Variants in ZNF385D observed in about 807,000 individuals in gnomAD.
The protein encoded by ZNF385D is zinc finger protein 659.
A neutral mutation model predicts 35.8 loss-of-function variants in ZNF385D; 15 were observed. The observed-to-expected ratio is 0.42, with a 90% CI of 0.28 to 0.64. The LOEUF (loss-of-function observed/expected upper bound fraction) is 0.64. Ranked by LOEUF, ZNF385D falls within the 30% of genes least tolerant of loss-of-function variation. The pLI, the probability that ZNF385D is intolerant of heterozygous loss-of-function variation, is 0.23. For synonymous variants in ZNF385D, 212 were observed against 186.8 expected, an observed-to-expected ratio of 1.13 and a Z score of -1.10; for missense variants, 474 against 494.6, an observed-to-expected ratio of 0.96 and a Z score of 0.39.
chr3:21,687,480 C>T lies in ZNF385D; in HGVS notation c.23-22452G>A, dbSNP rs866688949. Reference sequence around the variant, plus strand: ...GGAAAGCACAGCAATTTCCCATATACCCTCGGCCGCTACACATGTATAGCT... The same window carrying T: ...GGAAAGCACAGCAATTTCCCATATATCCTCGGCCGCTACACATGTATAGCT... On this transcript the variant is annotated intron_variant, in intron 1 of 7. Transcript: ENST00000281523. Among the ~76,000 whole-genome samples, 6 of 152,074 alleles carry T rather than the reference C, an allele frequency of 3.9e-5. No individual in the cohort carries two copies. The South Asian group carries it at 1.2e-3, about 32-fold the overall frequency.
chr3:22,211,062 A>G (rs915043971), intron 2 of ZNF385D, among the ~76,000 whole-genome samples: 4 of 151,940 alleles, frequency 2.6e-5, no homozygotes, highest in African/African-American at 9.7e-5. Flanking sequence ...TAAATTCTCC[A>G]AAACTCTTTT....
intron 1 of ZNF385D, among the ~76,000 whole-genome samples, chr3:21,739,064 C>G (rs190248835): frequency 6.6e-6 from 1 of 152,190 alleles, no homozygotes; most frequent in Non-Finnish European, 1.5e-5. Flanking sequence ...CTCTCAGAAG[C>G]GTATGGCATT....
intron 2 of ZNF385D, among the ~76,000 whole-genome samples, chr3:22,210,558 T>C (rs775666054): frequency 4.6e-5 from 7 of 151,932 alleles, no homozygotes; most frequent in Admixed American, 1.3e-4. Context: ...ATATAGTTCT[T>C]GATCTGAAAG....
At chr3:22,304,979 G>T (rs562539061) in intron 2 of ZNF385D, among the ~76,000 whole-genome samples, 1 of 152,038 alleles carries the variant, frequency 6.6e-6, no homozygotes, top group South Asian at 2.1e-4. Flanking sequence ...TTTTTCTACA[G>T]TGTCAATTTT....
chr3:21,990,598 T>C (rs959069461), intron 3 of ZNF385D, among the ~76,000 whole-genome samples: 3 of 152,226 alleles, frequency 2.0e-5, no homozygotes, highest in Admixed American at 6.5e-5. Flanking sequence ...GTATGTGCTA[T>C]AAATTATAAC....
At chr3:22,099,023 A>G (rs928043088) in intron 3 of ZNF385D, among the ~76,000 whole-genome samples, 2 of 152,076 alleles carry the variant, frequency 1.3e-5, no homozygotes, top group African/African-American at 4.8e-5. Context: ...TATCATAGGG[A>G]TTTCTGTAAT....
chr3:22,062,871 G>A (rs1228910300), intron 3 of ZNF385D, among the ~76,000 whole-genome samples: 1 of 152,176 alleles, frequency 6.6e-6, no homozygotes, highest in Non-Finnish European at 1.5e-5. Flanking sequence ...ACAGCCATAT[G>A]AGTGAGTCTT....
At chr3:21,664,305 A>G (rs2066334888) in intron 2 of ZNF385D, among the ~76,000 whole-genome samples, 1 of 152,154 alleles carries the variant, frequency 6.6e-6, no homozygotes, top group African/African-American at 2.4e-5. Flanking sequence ...CTGAGAGGCT[A>G]TTGACAAAGC....
chr3:21,803,353 C>A (rs535405967), intron 3 of ZNF385D, among the ~76,000 whole-genome samples: 2 of 152,232 alleles, frequency 1.3e-5, no homozygotes, highest in South Asian at 4.1e-4. Context: ...CATTTTCTTT[C>A]CAGATTTGTA....
In ZNF385D at chr3:21,881,156, G is replaced by A. The variant is rs901368545; in HGVS notation, c.326-216128C>T. Among the ~76,000 whole-genome samples the A allele has an allele frequency of 7.9e-5, 12 of 151,700 alleles. No homozygotes were observed. The East Asian group carries it at 1.2e-3, about 15-fold the overall frequency. On this transcript the variant is annotated intron_variant, in intron 3 of 5. Coordinates refer to the ZNF385D transcript ENST00000494108. ...TTAGCTAAGGTCATTGATGAAGGAA[G>A]CTACAGTACACAACAGATTCTCAGT...
intron 3 of ZNF385D, among the ~76,000 whole-genome samples, chr3:22,022,217 A>G (rs1576168914): frequency 6.6e-6 from 1 of 152,176 alleles, no homozygotes; most frequent in Non-Finnish European, 1.5e-5. Flanking sequence ...TACAAAGTAT[A>G]TAAAATTAAG....
chr3:22,298,108 C>T (rs1702691304), intron 2 of ZNF385D, among the ~76,000 whole-genome samples: 1 of 151,840 alleles, frequency 6.6e-6, no homozygotes, highest in African/African-American at 2.4e-5. Context: ...GGCATATAAT[C>T]TTCGTGCTTT....
rs185013658 is a variant in ZNF385D at position 22,170,406 on chromosome 3, A to G, written c.107-1371T>C. ...TGCCAATAAAATTTTAAAGAAAATCAAACTAGTGAACTCCACCAAAAATGG... is the reference window on the plus strand; with the variant it reads ...TGCCAATAAAATTTTAAAGAAAATCGAACTAGTGAACTCCACCAAAAATGG... On this transcript the variant is annotated intron_variant, in intron 2 of 5. Coordinates refer to the ZNF385D transcript ENST00000494108. 3.9e-5 allele frequency among the ~76,000 whole-genome samples: 6 copies of G among 152,374 alleles called. 1 individual carries two copies. The highest frequency in any genetic ancestry group is 8.8e-5 in the Non-Finnish European group (6 of 68,038).
intron 2 of ZNF385D, among the ~76,000 whole-genome samples, chr3:22,210,626 A>T (rs1011547443): frequency 6.6e-6 from 1 of 151,932 alleles, no homozygotes; most frequent in African/African-American, 2.4e-5. Flanking sequence ...CAATACAAAC[A>T]GGATGTTTCT....
At chr3:22,121,610 T>A (rs1300845997) in intron 3 of ZNF385D, among the ~76,000 whole-genome samples, 2 of 151,292 alleles carry the variant, frequency 1.3e-5, no homozygotes, top group African/African-American at 2.4e-5. Flanking sequence ...ACAGTAATCA[T>A]ACCTACTGGT....
intron 4 of ZNF385D, among the ~76,000 whole-genome samples, chr3:21,476,829 C>T (rs1479417364): frequency 1.3e-5 from 2 of 152,112 alleles, no homozygotes; most frequent in Non-Finnish European, 2.9e-5. Flanking sequence ...GGAAGCTCTC[C>T]TTCTTTCCCA....
intron 3 of ZNF385D, among the ~76,000 whole-genome samples, chr3:22,070,773 C>A (rs10510524): frequency 6.6e-6 from 1 of 151,978 alleles, no homozygotes; most frequent in Non-Finnish European, 1.5e-5. Context: ...GTCATGAAAT[C>A]TCAGAAAGCA....
intron 1 of ZNF385D, among the ~76,000 whole-genome samples, chr3:21,697,842 A>G (rs1008936207): frequency 6.6e-6 from 1 of 152,062 alleles, no homozygotes; most frequent in Admixed American, 6.6e-5. Flanking sequence ...AAAACATATG[A>G]AAAAATGCTC....
At chr3:21,970,111 C>A (rs1404718727) in intron 3 of ZNF385D, among the ~76,000 whole-genome samples, 2 of 152,118 alleles carry the variant, frequency 1.3e-5, no homozygotes, top group East Asian at 3.9e-4. Flanking sequence ...CAGGTACAAA[C>A]AAGCTGAACT....
Sources: gnomAD v4.1 joint callset for allele counts (sites outside exome capture counted in the v4.1 genomes callset) on GRCh38, gnomAD v4.1.1 for gene constraint, MANE v1.5 for transcripts, NCBI Gene and HGNC (gene_info 2026-07-23, HGNC 2026-07-21) for gene names.